UBE2G1: variants seen among roughly 807,000 people sequenced by gnomAD.
UBE2G1 encodes ubiquitin conjugating enzyme E2 G1.
A neutral mutation model predicts 22.7 loss-of-function variants in UBE2G1; 5 were observed. That is an observed-to-expected ratio of 0.22 (90% CI 0.12 to 0.46). The LOEUF (loss-of-function observed/expected upper bound fraction) is 0.46, where lower values mean the gene tolerates loss of function less well. UBE2G1 is among the 20% of genes least tolerant of loss of function. The pLI is 0.99. For synonymous variants in UBE2G1, 74 were observed against 67.5 expected (o/e 1.10, Z -0.47); for missense variants, 88 against 203.9 (o/e 0.43, Z 3.46).
intron 1 of UBE2G1, among the ~76,000 whole-genome samples, chr17:4,322,054 G>T (rs963208946): frequency 1.3e-5 from 2 of 152,108 alleles, no homozygotes; most frequent in South Asian, 4.1e-4. Context: ...TGAATGACAG[G>T]TTTCTAACAT....
chr17:4,323,792 C>T (rs1195954088), intron 1 of UBE2G1, among the ~76,000 whole-genome samples: 2 of 152,186 alleles, frequency 1.3e-5, no homozygotes, highest in African/African-American at 4.8e-5. Flanking sequence ...ATCTGCCCAC[C>T]TCGGCCTCCC....
At chr17:4,291,433 A>G (rs1009930293) in intron 3 of UBE2G1, among the ~76,000 whole-genome samples, 6 of 151,586 alleles carry the variant, frequency 4.0e-5, no homozygotes, top group Admixed American at 6.6e-5. Flanking sequence ...TTCATAGAGT[A>G]TTACTATTTT....
intron 4 of UBE2G1, 24 bp from the exon 5 acceptor site, chr17:4,282,945 A>T: frequency 6.3e-7 from 1 of 1,584,720 alleles, no homozygotes; most frequent in Non-Finnish European, 8.6e-7. Flanking sequence ...AAGCAGTATC[A>T]AGTGATTTCA....
chr17:4,321,104 C>T (rs1002517501), intron 1 of UBE2G1, among the ~76,000 whole-genome samples: 1 of 151,968 alleles, frequency 6.6e-6, no homozygotes, highest in South Asian at 2.1e-4. Context: ...GAGCTATGAT[C>T]GCACCATGGC....
chr17:4,303,411 T>C (rs1192593064), intron 2 of UBE2G1, among the ~76,000 whole-genome samples: 1 of 152,182 alleles, frequency 6.6e-6, no homozygotes, highest in Non-Finnish European at 1.5e-5. Context: ...TTTGCTATTA[T>C]AAGCAATAGA....
At position 4,269,674 on chromosome 17, in the gene UBE2G1, CAA is replaced by C. The variant is rs1223872813; in HGVS notation, c.*2878_*2879del. ...GTCAACCTCATATGGATTTTAAACT[CAA>C]AAAAGAGGCCAGAAAGCCACTCAGA... On this transcript the variant is annotated 3_prime_UTR_variant, in exon 6 of 6. Coordinates refer to ENST00000396981, the MANE Select transcript of UBE2G1 (RefSeq NM_003342.5). 12 of 186,128 alleles carry C rather than the reference CAA, an allele frequency of 6.4e-5. No homozygotes were observed. The highest frequency in any genetic ancestry group is 2.5e-4 in the Admixed American group (6 of 23,636). The allele number at this position is 186,128 out of a possible 1,614,324, so 11.5% of individuals were successfully genotyped here.
rs770757443 is a variant in UBE2G1, at chr17:4,280,037, CT to C, written c.*37+2760del. Among the ~76,000 whole-genome samples, 524 of 139,854 alleles carry C rather than the reference CT, an allele frequency of 3.7e-3. 1 individual carries two copies. The highest frequency in any genetic ancestry group is 6.2e-3 in the African/African-American group (236 of 37,838). 91.7% of individuals were successfully genotyped at this position (139,854 alleles called of 152,430 possible). A position where few individuals can be genotyped will look rare whatever the true frequency, so the allele number is the denominator to read the frequency against. ...CAATATCCAGATTTAGATAGATAGA[CT>C]TTTTTTTTTTTTTTTGAGATGAAGT... On this transcript the variant is annotated intron_variant, in intron 5 of 5. Transcript: ENST00000396981.
At chr17:4,276,191 C>G (rs962132420) in intron 5 of UBE2G1, among the ~76,000 whole-genome samples, 1 of 152,056 alleles carries the variant, frequency 6.6e-6, no homozygotes, top group East Asian at 1.9e-4. Flanking sequence ...CACTGAAGCC[C>G]CCCCGCCCTT....
intron 1 of UBE2G1, among the ~76,000 whole-genome samples, chr17:4,314,788 T>TAA (rs1567521571): frequency 1.3e-5 from 2 of 152,158 alleles, no homozygotes; most frequent in Non-Finnish European, 2.9e-5. Flanking sequence ...CTAAGTACAA[T>TAA]AACTAATTCA....
chr17:4,333,405 C>T (rs907023759), intron 1 of UBE2G1, among the ~76,000 whole-genome samples: 12 of 152,128 alleles, frequency 7.9e-5, no homozygotes, highest in Admixed American at 2.0e-4. Flanking sequence ...GGGCCGGGCA[C>T]GGTGGCTCTG....
rs368824568 is a variant in UBE2G1 at position 4,360,692 on chromosome 17, G to A, written c.46+5579C>T. On this transcript the variant is annotated intron_variant, in intron 1 of 5. Transcript: ENST00000396981. ...TTTGGGAGGCTGAGGCGGGCAGATC[G>A]CCTAAGACCGGGAGTTCAAGACCAG... 4.1e-4 allele frequency among the ~76,000 whole-genome samples: 62 copies of A among 151,288 alleles called. No homozygotes were observed. The South Asian group carries it at 0.011, about 27-fold the overall frequency.
intron 1 of UBE2G1, among the ~76,000 whole-genome samples, chr17:4,361,114 T>C (rs536275852): frequency 5.4e-4 from 82 of 151,286 alleles, no homozygotes; most frequent in Middle Eastern, 3.4e-3. Flanking sequence ...TCTCAGCTAC[T>C]TGGGAGGCTA....
At chr17:4,347,758 G>C (rs1969796246) in intron 1 of UBE2G1, among the ~76,000 whole-genome samples, 1 of 152,052 alleles carries the variant, frequency 6.6e-6, no homozygotes, top group African/African-American at 2.4e-5. Context: ...ATAAAGGCGT[G>C]AGCCACCGCG....
chr17:4,285,335 G>T, intron 4 of UBE2G1, among the ~76,000 whole-genome samples: 1 of 152,034 alleles, frequency 6.6e-6, no homozygotes, highest in Admixed American at 6.6e-5. Context: ...AAATGGAAAA[G>T]AATCAGCCTA....
chr17:4,325,478 CAT>C (rs984873516), intron 1 of UBE2G1, among the ~76,000 whole-genome samples: 3 of 152,272 alleles, frequency 2.0e-5, no homozygotes, highest in African/African-American at 7.2e-5. Context: ...ATGAAAGAGA[CAT>C]ATGCTGGAAA....
At chr17:4,350,375 C>T (rs1364440689) in intron 1 of UBE2G1, among the ~76,000 whole-genome samples, 1 of 152,062 alleles carries the variant, frequency 6.6e-6, no homozygotes, top group East Asian at 1.9e-4. Context: ...GGGAGAATTG[C>T]TTGAACCTGG....
chr17:4,293,453 TG>T lies in UBE2G1; in HGVS notation c.247+3263del, dbSNP rs545031972. Among the ~76,000 whole-genome samples the T allele has an allele frequency of 3.3e-5, 5 of 152,360 alleles. No individual in the cohort carries two copies. The East Asian group carries it at 5.8e-4, about 18-fold the overall frequency. The stretch of plus-strand genomic sequence containing the variant: ...AGACATTTGGGCTGTTTCTACTTTT[TG>T]GCTGTTATGAATAATAAATGCTGCT... On this transcript the variant is annotated intron_variant, in intron 3 of 5. Transcript: ENST00000396981.
chr17:4,280,648 T>C (rs1308072785), intron 5 of UBE2G1, among the ~76,000 whole-genome samples: 2 of 151,112 alleles, frequency 1.3e-5, no homozygotes, highest in Non-Finnish European at 2.9e-5. Flanking sequence ...GAATCTTTTT[T>C]TTTTTTGGAA....
chr17:4,333,928 C>A (rs977776963), intron 1 of UBE2G1, among the ~76,000 whole-genome samples: 2 of 152,226 alleles, frequency 1.3e-5, no homozygotes, highest in Non-Finnish European at 2.9e-5. Context: ...CCCTTCAACC[C>A]TGAATGAAGA....
Sources: gnomAD v4.1 joint callset for allele counts (sites outside exome capture counted in the v4.1 genomes callset) on GRCh38, gnomAD v4.1.1 for gene constraint, MANE v1.5 for transcripts, NCBI Gene and HGNC (gene_info 2026-07-23, HGNC 2026-07-21) for gene names.